GDA: variants seen among roughly 807,000 people sequenced by gnomAD.
The protein encoded by GDA is cytoplasmic PSD-95 interactor.
In GDA, 18 loss-of-function variants were observed where a neutral mutation model predicts 59.6. The ratio of observed to expected loss-of-function variants is 0.30; its 90% CI spans 0.21 to 0.45. The LOEUF (loss-of-function observed/expected upper bound fraction) is 0.45, where lower values mean the gene tolerates loss of function less well. Ranked by LOEUF, GDA falls within the 20% of genes least tolerant of loss-of-function variation. GDA has a pLI of 1.00. For synonymous variants in GDA, 201 were observed against 201.1 expected, an observed-to-expected ratio of 1.00 and a Z score of 0.00; for missense variants, 427 against 552.3, an observed-to-expected ratio of 0.77 and a Z score of 2.27.
intron 1 of GDA, among the ~76,000 whole-genome samples, chr9:72,158,330 G>A (rs1276429144): frequency 3.3e-5 from 5 of 151,978 alleles, no homozygotes; most frequent in African/African-American, 4.8e-5. Context: ...ACAGTGGCCC[G>A]CACCTGTAAT....
chr9:72,165,033 T>C (rs1452003095), intron 1 of GDA, among the ~76,000 whole-genome samples: 1 of 151,198 alleles, frequency 6.6e-6, no homozygotes, highest in African/African-American at 2.4e-5. Context: ...GGTCTTCAAA[T>C]ACTTTGCTTA....
At chr9:72,189,574 C>T (rs1302870176) in intron 1 of GDA, among the ~76,000 whole-genome samples, 3 of 152,144 alleles carry the variant, frequency 2.0e-5, no homozygotes, top group Non-Finnish European at 4.4e-5. Context: ...AATACAGTGG[C>T]TCATGCCTGT....
chr9:72,180,683 C>T (rs552031745), intron 1 of GDA, among the ~76,000 whole-genome samples: 1 of 152,280 alleles, frequency 6.6e-6, no homozygotes, highest in South Asian at 2.1e-4. Flanking sequence ...GTGAATTTCA[C>T]TCCGAGCTTG....
chr9:72,162,900 G>A (rs7023029), intron 1 of GDA, among the ~76,000 whole-genome samples: 28,224 of 151,976 alleles, frequency 0.19, 2,950 homozygotes, highest in African/African-American at 0.3. Context: ...CTCGTGATCC[G>A]CCCGCCTCGG....
At chr9:72,244,927 G>T (rs559651298) in intron 11 of GDA, among the ~76,000 whole-genome samples, 1 of 152,160 alleles carries the variant, frequency 6.6e-6, no homozygotes, top group Non-Finnish European at 1.5e-5. Context: ...GAAGGGAATT[G>T]TTTTCATTCT....
intron 12 of GDA, among the ~76,000 whole-genome samples, 166 bp from the exon 13 acceptor site, chr9:72,247,240 G>A (rs987053625): frequency 1.3e-5 from 2 of 152,132 alleles, no homozygotes; most frequent in African/African-American, 4.8e-5. Flanking sequence ...TGTTCTGGGA[G>A]GTTTTTATAA....
chr9:72,136,392 G>A (rs1247187966), intron 1 of GDA, among the ~76,000 whole-genome samples: 1 of 152,168 alleles, frequency 6.6e-6, no homozygotes, highest in Non-Finnish European at 1.5e-5. Context: ...ATTCAATATT[G>A]CTTAATGCAG....
intron 1 of GDA, among the ~76,000 whole-genome samples, chr9:72,160,603 A>G (rs1209819820): frequency 6.6e-6 from 1 of 152,034 alleles, no homozygotes; most frequent in Non-Finnish European, 1.5e-5. Flanking sequence ...TTGTGTAGAT[A>G]TACCACATTT....
intron 6 of GDA, among the ~76,000 whole-genome samples, chr9:72,222,538 C>T (rs1837023192): frequency 6.6e-6 from 1 of 152,178 alleles, no homozygotes; most frequent in Non-Finnish European, 1.5e-5. Context: ...TTGGTGGTTT[C>T]ACTTGCTGTG....
At chr9:72,186,186 T>A (rs1044164622) in intron 1 of GDA, among the ~76,000 whole-genome samples, 6 of 152,188 alleles carry the variant, frequency 3.9e-5, no homozygotes, top group African/African-American at 1.2e-4. Context: ...CAATCATACT[T>A]TGTAATTTTG....
intron 1 of GDA, among the ~76,000 whole-genome samples, chr9:72,185,659 G>A (rs1161874846): frequency 6.6e-6 from 1 of 152,150 alleles, no homozygotes; most frequent in Non-Finnish European, 1.5e-5. Flanking sequence ...ATTGAAATAT[G>A]TTCTTTTATT....
chr9:72,123,707 G>A (rs371488285), intron 1 of GDA, among the ~76,000 whole-genome samples: 66 of 151,178 alleles, frequency 4.4e-4, no homozygotes, highest in Admixed American at 1.2e-3. Context: ...GGCTGGTCTC[G>A]AACTCTCGAC....
chr9:72,148,407 A>T (rs1389324159), upstream of GDA, among the ~76,000 whole-genome samples: 1 of 152,036 alleles, frequency 6.6e-6, no homozygotes, highest in African/African-American at 2.4e-5. Context: ...AGAAGAATGG[A>T]CACAATAAAT....
intron 1 of GDA, among the ~76,000 whole-genome samples, chr9:72,170,812 T>A (rs916555023): frequency 3.1e-5 from 4 of 130,596 alleles, no homozygotes; most frequent in African/African-American, 1.0e-4. Flanking sequence ...GCCAATGAAT[T>A]ACTATTATTG....
At chr9:72,241,041 TA>T (rs5898250) in intron 10 of GDA, 110 bp from the exon 11 acceptor site, 4 of 672,476 alleles carry the variant, frequency 5.9e-6, no homozygotes, top group Admixed American at 2.7e-5. Flanking sequence ...AAGAGCTTTT[TA>T]AAAAAAGTAT....
At chr9:72,122,730 C>T (rs1224730013) in intron 1 of GDA, among the ~76,000 whole-genome samples, 1 of 151,976 alleles carries the variant, frequency 6.6e-6, no homozygotes, top group South Asian at 2.1e-4. Context: ...TCCAACTTTA[C>T]AGTCTTTCTT....
chr9:72,123,482 C>CTTTTT (rs11357949), intron 1 of GDA, among the ~76,000 whole-genome samples: 1 of 76,642 alleles, frequency 1.3e-5, no homozygotes, highest in Non-Finnish European at 2.5e-5. Context: ...CATGCCCGGC[C>CTTTTT]TTTTTTTTTT....
intron 1 of GDA, among the ~76,000 whole-genome samples, chr9:72,169,469 G>T (rs1829707309): frequency 6.6e-6 from 1 of 152,170 alleles, no homozygotes; most frequent in African/African-American, 2.4e-5. Flanking sequence ...ACTGGACTTG[G>T]ATTTTATTTT....
upstream of GDA, among the ~76,000 whole-genome samples, chr9:72,144,750 G>A (rs1370443732): frequency 1.3e-5 from 2 of 152,106 alleles, no homozygotes; most frequent in Non-Finnish European, 2.9e-5. Context: ...TGCCTCTATG[G>A]ATAGGCAAAC....
Sources: allele counts gnomAD v4.1 joint callset (sites outside exome capture counted in the v4.1 genomes callset), GRCh38; gene constraint gnomAD v4.1.1; transcripts MANE v1.5; gene names NCBI Gene and HGNC (gene_info 2026-07-23, HGNC 2026-07-21).